Variants in EMG1 observed in about 807,000 individuals in gnomAD.
EMG1 encodes ribosomal RNA small subunit methyltransferase NEP1.
EMG1 carries 24 observed loss-of-function variants against 26.9 expected under a neutral mutation model. The ratio of observed to expected loss-of-function variants is 0.89; its 90% CI spans 0.65 to 1.26. The LOEUF (loss-of-function observed/expected upper bound fraction) is 1.26, where lower values mean the gene tolerates loss of function less well. Ranked by LOEUF, EMG1 falls within the 50% of genes most tolerant of loss-of-function variation. EMG1 has a pLI of 0.00. For missense variants in EMG1, 299 were observed against 307.6 expected, an observed-to-expected ratio of 0.97 and a Z score of 0.21; for synonymous variants, 140 against 112.6, an observed-to-expected ratio of 1.24 and a Z score of -1.54.
At position 6,975,800 on chromosome 12, in the gene EMG1, G is replaced by T; in HGVS notation, c.726G>T (p.Gly242=). 4 of 1,601,456 alleles carry T rather than the reference G, an allele frequency of 2.5e-6. No individual in the cohort carries two copies. Among genetic ancestry groups the T allele is most frequent in the Non-Finnish European group, 3.4e-6 (4 of 1,168,582 alleles). ...CCACAGCCTTTGAGGAAGTATGGGGGGTCATTTGACAGTAGTAGAACCTGT... is the reference window on the plus strand; with the variant it reads ...CCACAGCCTTTGAGGAAGTATGGGGTGTCATTTGACAGTAGTAGAACCTGT... ...KLTTAFEEVW[G]VI The change falls in exon 6 of 6, where the codon GGG becomes GGT. Residue 242 remains glycine, a synonymous_variant. Transcript: ENST00000599672.
In EMG1 at chr12:6,978,665, T is replaced by C; in HGVS notation, c.*2856T>C. On this transcript the variant is annotated 3_prime_UTR_variant, in exon 6 of 6. Transcript: ENST00000599672. ...AACTTGCCCCAGATCAGCATGTACA[T>C]GCAGCGGAACCAGAAGGGGTGGTTC... The C allele has an allele frequency of 1.2e-6, 2 of 1,614,180 alleles. No homozygotes were observed. Among genetic ancestry groups the C allele is most frequent in the South Asian group, 1.1e-5 (1 of 91,082 alleles).
chr12:6,971,011 C>T lies in EMG1; in HGVS notation c.88C>T (p.Pro30Ser). ...QDWDALPPKR[P>S]RLGAGNKIGG... ...CTGGGATGCTCTGCCACCCAAGCGG[C>T]CCCGACTAGGGGCAGGAAACAAGAT... is the stretch of plus-strand genomic sequence containing the variant. Residue 30 changes from proline (P) to serine (S), a missense_variant, in exon 1 of 6, where the codon CCC (proline) becomes TCC (serine). By Grantham distance (74) the Pro-to-Ser change is moderately conservative. Transcript: ENST00000599672. The T allele has an allele frequency of 1.9e-6, 3 of 1,611,838 alleles. No homozygotes were observed. In the South Asian group the frequency reaches 3.3e-5, roughly 18 times the overall value.
At chr12:6,973,443 C>T (rs1946356479) in intron 1 of EMG1, among the ~76,000 whole-genome samples, 2 of 152,134 alleles carry the variant, frequency 1.3e-5, no homozygotes, top group South Asian at 2.1e-4. Context: ...GCTGGGATTA[C>T]AGCCGTGAGC....
downstream of EMG1, chr12:6,980,593 G>A (rs141464685): frequency 2.7e-3 from 415 of 153,670 alleles, 3 homozygotes; most frequent in African/African-American, 9.0e-3. Flanking sequence ...GGGCTCAAGT[G>A]ATCCTCCCAC....
downstream of EMG1, chr12:6,983,216 G>T: frequency 2.0e-6 from 1 of 487,866 alleles, no homozygotes; most frequent in Admixed American, 3.6e-5. Context: ...GGTATGGCAA[G>T]GGTAACCACC....
At chr12:6,986,318 G>C (rs1287000180) in intron 6 of EMG1, among the ~76,000 whole-genome samples, 1 of 152,104 alleles carries the variant, frequency 6.6e-6, no homozygotes, top group African/African-American at 2.4e-5. Flanking sequence ...ACTGAATGAA[G>C]AGTAAACATA....
intron 5 of EMG1, 57 bp downstream of exon 5, chr12:6,975,435 C>A: frequency 6.6e-7 from 1 of 1,504,668 alleles, no homozygotes; most frequent in South Asian, 1.3e-5. Flanking sequence ...GTATAGAATT[C>A]CCAGAGCAGT....
At chr12:6,983,472 G>A (rs1555154407), downstream of EMG1, 3 of 1,612,978 alleles carry the variant, frequency 1.9e-6, no homozygotes, top group Non-Finnish European at 2.5e-6. Context: ...TAAAGGTATG[G>A]AAGAGGTGGA....
In EMG1 at chr12:6,979,525, G is replaced by A; in HGVS notation, c.*3716G>A. 6.2e-7 allele frequency: 1 copy of A among 1,614,144 alleles called. No homozygotes were observed. The highest frequency in any genetic ancestry group is 1.1e-5 in the South Asian group (1 of 91,090). On this transcript the variant is annotated 3_prime_UTR_variant, in exon 6 of 6. Transcript: ENST00000599672. ...CTGTGATGTGGGGGCTGAGCAGTGT[G>A]TAGCCCACTAGGTAGAAAAGGCCCA...
downstream of EMG1, chr12:6,981,681 G>C (rs1856370943): frequency 6.4e-7 from 1 of 1,563,416 alleles, no homozygotes; most frequent in Non-Finnish European, 8.8e-7. Flanking sequence ...AGGACACTGA[G>C]GATGTGGCCT....
At chr12:6,990,325 T>C (rs1280238458), downstream of EMG1, among the ~76,000 whole-genome samples, 6 of 150,596 alleles carry the variant, frequency 4.0e-5, no homozygotes, top group Admixed American at 1.3e-4. Context: ...CTGGTTAACA[T>C]GGTGAAACCC....
At chr12:6,980,460 A>G (rs942121787), downstream of EMG1, among the ~76,000 whole-genome samples, 3 of 152,010 alleles carry the variant, frequency 2.0e-5, no homozygotes, top group Admixed American at 6.6e-5. Context: ...GACTCAAGCA[A>G]TTCTCCCACT....
Position 6,974,377 on chromosome 12 carries a change from C to G in EMG1, c.207C>G (p.His69Gln). The G allele has an allele frequency of 6.2e-7, 1 of 1,613,748 alleles. No individual in the cohort carries two copies. The highest frequency in any genetic ancestry group is 1.1e-5 in the South Asian group (1 of 91,030). ...ATGAGCTACTCAACTGTGACAAGCACAAGTCTATATTGTTGAAGAATGGAC... is the reference window on the plus strand; with the variant it reads ...ATGAGCTACTCAACTGTGACAAGCAGAAGTCTATATTGTTGAAGAATGGAC... ...KTYELLNCDK[H>Q]KSILLKNGRD... Residue 69 changes from histidine (H) to glutamine (Q), a missense_variant, in exon 2 of 6, where the codon CAC (histidine) becomes CAG (glutamine). By Grantham distance (24) the His-to-Gln change is conservative. Transcript: ENST00000599672.
chr12:6,977,027 G>T lies in EMG1; in HGVS notation c.*1218G>T. On this transcript the variant is annotated 3_prime_UTR_variant, in exon 6 of 6. Transcript: ENST00000599672. The surrounding 1 kb of genome is among the most constrained non-coding windows in gnomAD (Gnocchi z 4.5). Reference sequence around the variant, plus strand: ...CCATACTGTGTTCCTTAGTAGCCAGGCTAATCCTTGGAATTCACCCCAGAT... The same window carrying T: ...CCATACTGTGTTCCTTAGTAGCCAGTCTAATCCTTGGAATTCACCCCAGAT... 1 of 748,802 alleles carries T rather than the reference G, an allele frequency of 1.3e-6. No individual in the cohort carries two copies. 46.4% of individuals were successfully genotyped at this position (748,802 alleles called of 1,614,324 possible).
rs991014888 is a variant in EMG1 at position 6,978,262 on chromosome 12, A to T, written c.*2453A>T. 1 of 1,482,022 alleles carries T rather than the reference A, an allele frequency of 6.7e-7. No individual in the cohort carries two copies. The highest frequency in any genetic ancestry group is 9.1e-7 in the Non-Finnish European group (1 of 1,096,786). The allele number at this position is 1,482,022 out of a possible 1,614,324, so 91.8% of individuals were successfully genotyped here. On this transcript the variant is annotated 3_prime_UTR_variant, in exon 6 of 6. Transcript: ENST00000599672. ...GATGGGAAAGACGCATAGGGGTGAC[A>T]TGGTACACCCCTGCCCTCCAATCTG...
At position 6,975,904 on chromosome 12, in the gene EMG1, G is replaced by A; in HGVS notation, c.*95G>A. ...TGCTGGAAGATGATCTTTCTGCACT[G>A]AGACTGTGGAGTTTGGGGAAGCCAA... On this transcript the variant is annotated 3_prime_UTR_variant, in exon 6 of 6. Coordinates refer to ENST00000599672, the MANE Select transcript of EMG1 (RefSeq NM_006331.8). 2.6e-6 allele frequency: 2 copies of A among 763,982 alleles called. No individual in the cohort carries two copies. Among genetic ancestry groups the A allele is most frequent in the Non-Finnish European group, 4.6e-6 (2 of 434,814 alleles). 47.3% of individuals were successfully genotyped at this position (763,982 alleles called of 1,614,324 possible).
At chr12:6,990,755 A>G (rs1946581432), downstream of EMG1, among the ~76,000 whole-genome samples, 2 of 150,778 alleles carry the variant, frequency 1.3e-5, no homozygotes, top group Admixed American at 6.6e-5. Flanking sequence ...AAACCCTACT[A>G]AAAATACAAA....
chr12:6,979,621 G>A lies in EMG1; in HGVS notation c.*3812G>A, dbSNP rs1555153810. ...GAAGTTCCTGGTCACAGAGAGCAGA[G>A]ACTATTCCCTTCACCCTCTGACCTT... On this transcript the variant is annotated 3_prime_UTR_variant, in exon 6 of 6. Transcript: ENST00000599672. 3 of 1,364,558 alleles carry A rather than the reference G, an allele frequency of 2.2e-6. No individual in the cohort carries two copies. In the Admixed American group the frequency reaches 5.1e-5, roughly 23 times the overall value. 84.5% of individuals were successfully genotyped at this position (1,364,558 alleles called of 1,614,324 possible).
downstream of EMG1, chr12:6,982,936 T>C (rs1001911356): frequency 3.0e-6 from 2 of 667,162 alleles, no homozygotes; most frequent in African/African-American, 3.7e-5. Context: ...GGAAATTATT[T>C]ATTAAAATAA....
Sources: gnomAD v4.1 joint callset for allele counts (sites outside exome capture counted in the v4.1 genomes callset) on GRCh38, gnomAD v4.1.1 for gene constraint, Gnocchi (gnomAD v3.1) non-coding constraint, MANE v1.5 for transcripts, NCBI Gene and HGNC (gene_info 2026-07-23, HGNC 2026-07-21) for gene names.